Variants in SERPINI1 observed in about 807,000 individuals in gnomAD.
SERPINI1 encodes serpin family I member 1, also known as neuroserpin.
A neutral mutation model predicts 41.1 loss-of-function variants in SERPINI1; 19 were observed. That is an observed-to-expected ratio of 0.46 (90% CI 0.32 to 0.68). The LOEUF (loss-of-function observed/expected upper bound fraction) is 0.68. SERPINI1 is among the 30% of genes least tolerant of loss of function. The pLI is 0.03. For missense variants in SERPINI1, 460 were observed against 479.2 expected (o/e 0.96, Z 0.37); for synonymous variants, 138 against 156.6 (o/e 0.88, Z 0.89).
chr3:167,822,426 G>T (rs1229931448), intron 6 of SERPINI1, among the ~76,000 whole-genome samples: 2 of 152,126 alleles, frequency 1.3e-5, no homozygotes, highest in Non-Finnish European at 2.9e-5. Flanking sequence ...CTTATCTTAG[G>T]ATAAAACGTG....
At chr3:167,781,843 A>C (rs1367669119) in intron 1 of SERPINI1, among the ~76,000 whole-genome samples, 1 of 151,984 alleles carries the variant, frequency 6.6e-6, no homozygotes, top group Admixed American at 6.6e-5. Context: ...GTTAAAAAAC[A>C]CTATCTTTTT....
chr3:167,805,958 A>T (rs938099510), intron 5 of SERPINI1, among the ~76,000 whole-genome samples: 7 of 152,126 alleles, frequency 4.6e-5, no homozygotes, highest in Non-Finnish European at 8.8e-5. Flanking sequence ...TTGACCCAGC[A>T]ATCCCATTAC....
At chr3:167,742,888 A>G (rs1725726889) in intron 1 of SERPINI1, among the ~76,000 whole-genome samples, 1 of 151,448 alleles carries the variant, frequency 6.6e-6, no homozygotes, top group African/African-American at 2.4e-5. Flanking sequence ...ACCTTCCCAT[A>G]CCAAGTGTTC....
chr3:167,801,476 C>A (rs1358587393), intron 5 of SERPINI1, among the ~76,000 whole-genome samples: 1 of 151,730 alleles, frequency 6.6e-6, no homozygotes, highest in Non-Finnish European at 1.5e-5. Flanking sequence ...ATTAGTGATG[C>A]GGGGGCTTTA....
chr3:167,751,455 T>A (rs922814267), intron 1 of SERPINI1, among the ~76,000 whole-genome samples: 3 of 152,222 alleles, frequency 2.0e-5, no homozygotes, highest in African/African-American at 7.2e-5. Flanking sequence ...GCTTAGTCTC[T>A]ATAAGCAAAG....
intron 1 of SERPINI1, among the ~76,000 whole-genome samples, chr3:167,759,717 T>C (rs909584342): frequency 6.6e-6 from 1 of 151,954 alleles, no homozygotes; most frequent in Non-Finnish European, 1.5e-5. Flanking sequence ...AGCCAAAAAC[T>C]CAGCATCACA....
chr3:167,744,697 TAAA>T (rs1559992871), intron 1 of SERPINI1, among the ~76,000 whole-genome samples: 1 of 123,394 alleles, frequency 8.1e-6, no homozygotes, highest in African/African-American at 3.6e-5. Flanking sequence ...TAAACATATA[TAAA>T]TATATATAAA....
chr3:167,773,943 T>A (rs1295652498), intron 1 of SERPINI1, among the ~76,000 whole-genome samples: 2 of 152,160 alleles, frequency 1.3e-5, no homozygotes, highest in Non-Finnish European at 2.9e-5. Context: ...CAGCCACAAG[T>A]ATTTTTGTGA....
chr3:167,774,505 G>A (rs1370970612), intron 1 of SERPINI1, among the ~76,000 whole-genome samples: 1 of 152,160 alleles, frequency 6.6e-6, no homozygotes, highest in Non-Finnish European at 1.5e-5. Flanking sequence ...ATCTTATAAA[G>A]CAGAGGTCCC....
At chr3:167,747,749 A>G (rs55740466) in intron 1 of SERPINI1, among the ~76,000 whole-genome samples, 41,707 of 152,124 alleles carry the variant, frequency 0.27, 6,883 homozygotes, top group African/African-American at 0.46. Context: ...AGTGAATATA[A>G]TATTTAAAAC....
At chr3:167,761,897 C>T (rs1358120711) in intron 1 of SERPINI1, among the ~76,000 whole-genome samples, 1 of 152,154 alleles carries the variant, frequency 6.6e-6, no homozygotes, top group African/African-American at 2.4e-5. Flanking sequence ...ATTTTCCAAA[C>T]TAATTCTAAG....
chr3:167,779,132 G>A (rs1317769160), intron 1 of SERPINI1, among the ~76,000 whole-genome samples: 3 of 152,112 alleles, frequency 2.0e-5, no homozygotes, highest in African/African-American at 7.2e-5. Context: ...TAATATTCCA[G>A]TACCTTCCTA....
At chr3:167,748,325 G>T (rs575364183) in intron 1 of SERPINI1, among the ~76,000 whole-genome samples, 1 of 152,324 alleles carries the variant, frequency 6.6e-6, no homozygotes, top group South Asian at 2.1e-4. Flanking sequence ...GTTTTAAAAT[G>T]TAAGGCAGCT....
At position 167,787,038 on chromosome 3, in the gene SERPINI1, T is replaced by C. The variant is rs373773889; in HGVS notation, c.-18-2073T>C. 4.6e-5 allele frequency among the ~76,000 whole-genome samples: 7 copies of C among 152,320 alleles called. 1 individual carries two copies. The highest frequency in any genetic ancestry group is 2.6e-4 in the Admixed American group (4 of 15,292). ...AAGCTTTTTTTCTAATTTTCTACTTTTTATTTTTATATTTTTACTTTTTAA... is the reference window on the plus strand; with the variant it reads ...AAGCTTTTTTTCTAATTTTCTACTTCTTATTTTTATATTTTTACTTTTTAA... On this transcript the variant is annotated intron_variant, in intron 1 of 8. Transcript: ENST00000446050.
chr3:167,758,378 C>A (rs568764960), intron 1 of SERPINI1, among the ~76,000 whole-genome samples: 1 of 152,074 alleles, frequency 6.6e-6, no homozygotes, highest in African/African-American at 2.4e-5. Flanking sequence ...AAAATAAATA[C>A]CTATGAGTCT....
At chr3:167,743,309 A>G (rs1010114406) in intron 1 of SERPINI1, among the ~76,000 whole-genome samples, 7 of 152,174 alleles carry the variant, frequency 4.6e-5, no homozygotes, top group Admixed American at 1.3e-4. Flanking sequence ...TAGAGTGATT[A>G]TTACCTAAAT....
At chr3:167,820,659 T>G (rs1473889618) in intron 6 of SERPINI1, among the ~76,000 whole-genome samples, 1 of 152,134 alleles carries the variant, frequency 6.6e-6, no homozygotes, top group Non-Finnish European at 1.5e-5. Context: ...TAAAGGCAGC[T>G]CAGTGCAGGC....
At chr3:167,747,771 G>A (rs546945333) in intron 1 of SERPINI1, among the ~76,000 whole-genome samples, 12 of 152,218 alleles carry the variant, frequency 7.9e-5, no homozygotes, top group African/African-American at 4.8e-5. Flanking sequence ...TTTAAAAATA[G>A]GAGTTATGGA....
In SERPINI1 at chr3:167,775,855, G is replaced by A. The variant is rs74553908; in HGVS notation, c.-18-13256G>A. Among the ~76,000 whole-genome samples the A allele has an allele frequency of 8.5e-3, 1,297 of 152,064 alleles. 100 individuals are homozygous for A. The East Asian group carries it at 0.18, about 22-fold the overall frequency. On this transcript the variant is annotated intron_variant, in intron 1 of 8. Transcript: ENST00000446050. ...TTCTAAGTATTGCATTAATATGTAA[G>A]TCCTTAGCTCATTAAATATCCTTTT...
Sources: gnomAD v4.1 joint callset for allele counts (sites outside exome capture counted in the v4.1 genomes callset) on GRCh38, gnomAD v4.1.1 for gene constraint, MANE v1.5 for transcripts, NCBI Gene and HGNC (gene_info 2026-07-23, HGNC 2026-07-21) for gene names.